The following IGFBP7 variants were observed in gnomAD, a reference collection of about 807,000 sequenced individuals.
IGFBP7 encodes insulin-like growth factor-binding protein 7.
IGFBP7 carries 31 observed loss-of-function variants against 29.4 expected under a neutral mutation model. The ratio of observed to expected loss-of-function variants is 1.05; its 90% CI spans 0.79 to 1.42. IGFBP7 has a LOEUF of 1.42. Ranked by LOEUF, IGFBP7 falls within the 40% of genes most tolerant of loss-of-function variation. The pLI is 0.00. For synonymous variants in IGFBP7, 172 were observed against 174.9 expected (o/e 0.98, Z 0.13); for missense variants, 393 against 395.5 (o/e 0.99, Z 0.05).
intron 1 of IGFBP7, among the ~76,000 whole-genome samples, chr4:57,105,272 T>C (rs1031486513): frequency 2.6e-5 from 4 of 152,212 alleles, no homozygotes; most frequent in African/African-American, 9.6e-5. Context: ...CATGTACACA[T>C]TGTGTGAAAA....
At chr4:57,100,391 T>C (rs1725868134) in intron 1 of IGFBP7, among the ~76,000 whole-genome samples, 1 of 152,214 alleles carries the variant, frequency 6.6e-6, no homozygotes, top group South Asian at 2.1e-4. Context: ...GGCTCTAAGA[T>C]TGCTAATCTG....
Position 57,032,487 on chromosome 4 carries a change from C to T in IGFBP7, c.768G>A (p.Gln256=). Residue 256 remains glutamine (Q), a synonymous_variant, in exon 4 of 5, where the codon CAG becomes CAA. Transcript: ENST00000295666. ...CTGTAATTTTTGCTGATGCTGAAGC[C>T]TGTCCTTGGGAATTGGATGCATGGC... ...YECHASNSQG[Q]ASASAKITVV... The T allele has an allele frequency of 4.3e-6, 7 of 1,614,056 alleles. No homozygotes were observed. The highest frequency in any genetic ancestry group is 5.9e-6 in the Non-Finnish European group (7 of 1,179,934).
intron 1 of IGFBP7, among the ~76,000 whole-genome samples, chr4:57,102,680 G>A (rs915390738): frequency 1.3e-5 from 2 of 152,174 alleles, no homozygotes; most frequent in African/African-American, 4.8e-5. Flanking sequence ...ACTTTCCTCT[G>A]AAAGAATCCT....
chr4:57,100,098 T>C (rs1359770969), intron 1 of IGFBP7, among the ~76,000 whole-genome samples: 1 of 123,028 alleles, frequency 8.1e-6, no homozygotes, highest in Non-Finnish European at 1.6e-5. Context: ...TGAGACAGCG[T>C]CTCACCTTGT....
chr4:57,065,988 G>A (rs1724913310), intron 1 of IGFBP7, among the ~76,000 whole-genome samples: 1 of 152,158 alleles, frequency 6.6e-6, no homozygotes, highest in Non-Finnish European at 1.5e-5. Flanking sequence ...GACCATAGCT[G>A]TGAGTTTGTG....
At position 57,031,135 on chromosome 4, in the gene IGFBP7, T is replaced by G. The variant is rs1723908679; in HGVS notation, c.*182A>C. 1.4e-6 allele frequency: 1 copy of G among 710,742 alleles called. No homozygotes were observed. The highest frequency in any genetic ancestry group is 2.4e-6 in the Non-Finnish European group (1 of 412,884). 44.0% of individuals were successfully genotyped at this position (710,742 alleles called of 1,614,324 possible). A position where few individuals can be genotyped will look rare whatever the true frequency, so the allele number is the denominator to read the frequency against. ...TATGCATGCTTTTCTTCTGTAAATATATAATAAATTTTTGTAGATAGTCTT... is the reference window on the plus strand; with the variant it reads ...TATGCATGCTTTTCTTCTGTAAATAGATAATAAATTTTTGTAGATAGTCTT... On this transcript the variant is annotated 3_prime_UTR_variant, in exon 5 of 5. Coordinates refer to ENST00000295666, the MANE Select transcript of IGFBP7 (RefSeq NM_001553.3).
In IGFBP7 at chr4:57,031,214, A is replaced by G; in HGVS notation, c.*103T>C. 1 of 965,008 alleles carries G rather than the reference A, an allele frequency of 1.0e-6. No homozygotes were observed. The highest frequency in any genetic ancestry group is 1.7e-6 in the Non-Finnish European group (1 of 605,000). The allele number at this position is 965,008 out of a possible 1,614,324, so 59.8% of individuals were successfully genotyped here. ...TGTGTAAAACCAGTGAATATAACTA[A>G]AGTGTTAGTGGATTGGATTAAAAGA... is the stretch of plus-strand genomic sequence containing the variant. On this transcript the variant is annotated 3_prime_UTR_variant, in exon 5 of 5. Transcript: ENST00000295666.
At position 57,110,310 on chromosome 4, in the gene IGFBP7, A is replaced by G. The variant is rs1578659416; in HGVS notation, c.42T>C (p.Ala14=). The change falls in exon 1 of 5, where the codon GCT becomes GCC. Residue 14 remains alanine, a synonymous_variant. Coordinates refer to ENST00000295666, the MANE Select transcript of IGFBP7 (RefSeq NM_001553.3). ...PSLRALLLGA[A]GLLLLLLPLS... ...GGGGCAGGAGCAGGAGCAGCAGCCC[A>G]GCGGCGCCGAGGAGCAGGGCGCGCA... is the stretch of plus-strand genomic sequence containing the variant. 2 of 1,413,724 alleles carry G rather than the reference A, an allele frequency of 1.4e-6. No individual in the cohort carries two copies. The highest frequency in any genetic ancestry group is 1.8e-6 in the Non-Finnish European group (2 of 1,083,144). 87.6% of individuals were successfully genotyped at this position (1,413,724 alleles called of 1,614,324 possible).
intron 2 of IGFBP7, 34 bp downstream of exon 2, chr4:57,040,790 G>T: frequency 7.2e-7 from 1 of 1,387,054 alleles, no homozygotes; most frequent in African/African-American, 1.4e-5. Context: ...AAGCTTGTCA[G>T]CCTAGGATGT....
chr4:57,099,888 C>A (rs1035026926), intron 1 of IGFBP7, among the ~76,000 whole-genome samples: 1 of 151,844 alleles, frequency 6.6e-6, no homozygotes, highest in African/African-American at 2.4e-5. Context: ...CACAACCAAG[C>A]CAAGCTAATT....
At chr4:57,089,897 T>C (rs1322912257) in intron 1 of IGFBP7, among the ~76,000 whole-genome samples, 2 of 152,196 alleles carry the variant, frequency 1.3e-5, no homozygotes, top group Non-Finnish European at 2.9e-5. Context: ...ATGACGATGA[T>C]CTGAGGTGCA....
Position 57,063,076 on chromosome 4 carries a change from C to A in IGFBP7, c.476-22143G>T, listed in dbSNP as rs1724836762. ...CTGTGGCTCCTCAAGCATGTCTTGC[C>A]CTCCCTAGCCCCTAGCCTTTGCACA... is the stretch of plus-strand genomic sequence containing the variant. On this transcript the variant is annotated intron_variant, in intron 1 of 4. Transcript: ENST00000295666. Among the ~76,000 whole-genome samples the A allele has an allele frequency of 2.0e-5, 3 of 152,110 alleles. No homozygotes were observed. The South Asian group carries it at 6.2e-4, about 32-fold the overall frequency.
At chr4:57,081,289 C>G (rs58967770) in intron 1 of IGFBP7, among the ~76,000 whole-genome samples, 1,732 of 152,026 alleles carry the variant, frequency 0.011, 34 homozygotes, top group African/African-American at 0.04. Context: ...GCTATGGGTT[C>G]TAAGTCTGAA....
chr4:57,072,776 TG>T, intron 1 of IGFBP7: 1 of 527,092 alleles, frequency 1.9e-6, no homozygotes. Flanking sequence ...CCTTTTCAAA[TG>T]GGTGGGGACC....
intron 1 of IGFBP7, among the ~76,000 whole-genome samples, chr4:57,108,751 G>A (rs1420997176): frequency 6.6e-6 from 1 of 152,026 alleles, no homozygotes; most frequent in Non-Finnish European, 1.5e-5. Context: ...GTTTCACCGT[G>A]TTGGTCAGGC....
chr4:57,096,980 T>C (rs1725777262), intron 1 of IGFBP7, among the ~76,000 whole-genome samples: 1 of 152,196 alleles, frequency 6.6e-6, no homozygotes, highest in African/African-American at 2.4e-5. Context: ...TAATACTCAA[T>C]ATGTACATAA....
chr4:57,042,121 C>T (rs529054681), intron 1 of IGFBP7, among the ~76,000 whole-genome samples: 22 of 152,226 alleles, frequency 1.4e-4, no homozygotes, highest in South Asian at 1.0e-3. Flanking sequence ...TTCTCCATTC[C>T]CCCAATTAGG....
chr4:57,099,300 G>C (rs1725836973), intron 1 of IGFBP7, among the ~76,000 whole-genome samples: 1 of 152,064 alleles, frequency 6.6e-6, no homozygotes, highest in Non-Finnish European at 1.5e-5. Flanking sequence ...AAGTCTAAAT[G>C]GATTATGCTT....
At position 57,069,976 on chromosome 4, in the gene IGFBP7, G is replaced by A. The variant is rs937595269; in HGVS notation, c.476-29043C>T. ...TACACCTGTAATCCCAGCTACTCGG[G>A]AGGCTGAGGCAGGAGAATTGCTTGA... On this transcript the variant is annotated intron_variant, in intron 1 of 4. Coordinates refer to ENST00000295666, the MANE Select transcript of IGFBP7 (RefSeq NM_001553.3). 1.4e-4 allele frequency among the ~76,000 whole-genome samples: 21 copies of A among 152,112 alleles called. 1 individual carries two copies. The highest frequency in any genetic ancestry group is 4.1e-4 in the African/African-American group (17 of 41,426).
Sources: gnomAD v4.1 joint callset for allele counts (sites outside exome capture counted in the v4.1 genomes callset) on GRCh38, gnomAD v4.1.1 for gene constraint, MANE v1.5 for transcripts, NCBI Gene and HGNC (gene_info 2026-07-23, HGNC 2026-07-21) for gene names.